Variants in XYLT1 observed in about 807,000 individuals in gnomAD.
XYLT1 encodes beta-D-xylosyltransferase 1.
Under a neutral mutation model 91.3 loss-of-function variants are expected in XYLT1, and 36 were observed. The ratio of observed to expected loss-of-function variants is 0.39; its 90% CI spans 0.30 to 0.52. XYLT1 has a LOEUF of 0.52. Among genes scored for constraint, XYLT1 ranks in the 20% least tolerant of loss-of-function variants. The pLI, the probability that XYLT1 is intolerant of heterozygous loss-of-function variation, is 0.68. For synonymous variants in XYLT1, 588 were observed against 532.0 expected, an observed-to-expected ratio of 1.11 and a Z score of -1.45; for missense variants, 1,242 against 1,284.5, an observed-to-expected ratio of 0.97 and a Z score of 0.51.
intron 1 of XYLT1, among the ~76,000 whole-genome samples, chr16:17,416,434 G>C (rs184923182): frequency 2.9e-4 from 44 of 152,292 alleles, no homozygotes; most frequent in African/African-American, 1.1e-3. Context: ...CCCATGAAAG[G>C]CCATGTGTCC....
rs1050862021 is a variant in XYLT1 at position 17,199,702 on chromosome 16, C to G, written c.1086+780G>C. On this transcript the variant is annotated intron_variant, in intron 4 of 11. Transcript: ENST00000261381. ...CTTCTTTTGCTTGGCTCTCATTTTT[C>G]TCTCTTGCTGCCGCCATGTAAGACT... Among the ~76,000 whole-genome samples, 116 of 152,316 alleles carry G rather than the reference C, an allele frequency of 7.6e-4. 1 individual carries two copies. The highest frequency in any genetic ancestry group is 2.7e-3 in the African/African-American group (111 of 41,568).
At chr16:17,221,478 T>C (rs541574931) in intron 3 of XYLT1, among the ~76,000 whole-genome samples, 1 of 152,294 alleles carries the variant, frequency 6.6e-6, no homozygotes, top group Admixed American at 6.5e-5. Flanking sequence ...CAAGAGGTTA[T>C]ATAGCATAAC....
At chr16:17,299,231 C>T (rs1450734679) in intron 2 of XYLT1, among the ~76,000 whole-genome samples, 1 of 152,146 alleles carries the variant, frequency 6.6e-6, no homozygotes, top group Non-Finnish European at 1.5e-5. Flanking sequence ...GGTTAACCCA[C>T]CACCACCAGA....
intron 3 of XYLT1, among the ~76,000 whole-genome samples, chr16:17,240,951 C>A (rs946987268): frequency 6.6e-6 from 1 of 152,174 alleles, no homozygotes; most frequent in Admixed American, 6.5e-5. Context: ...AAGCCCATGT[C>A]CTTGACCATC....
chr16:17,111,382 A>G (rs1008172485), intron 11 of XYLT1, among the ~76,000 whole-genome samples: 3 of 152,200 alleles, frequency 2.0e-5, no homozygotes, highest in Non-Finnish European at 2.9e-5. Context: ...TTTATTGCTC[A>G]GTAGAAGCAC....
At chr16:17,114,205 T>TCATAACAAACCAATAGA (rs1966847725) in intron 11 of XYLT1, among the ~76,000 whole-genome samples, 4 of 152,358 alleles carry the variant, frequency 2.6e-5, no homozygotes, top group African/African-American at 7.2e-5. Context: ...AAAATATCTT[T>TCATAACAAACCAATAGA]CATAACAAAC....
chr16:17,270,403 T>C (rs536343073), intron 2 of XYLT1, among the ~76,000 whole-genome samples: 1 of 152,262 alleles, frequency 6.6e-6, no homozygotes, highest in African/African-American at 2.4e-5. Flanking sequence ...CAGGGGGACA[T>C]GACAGTGACA....
chr16:17,108,833 C>A lies in XYLT1; in HGVS notation c.2742G>T (p.Trp914Cys). The A allele has an allele frequency of 1.9e-6, 3 of 1,612,876 alleles. No homozygotes were observed. The highest frequency in any genetic ancestry group is 1.7e-5 in the Admixed American group (1 of 60,014). ...CCGTGGCACAGATGTCCATGGCAGT[C>A]CACATCCCGCCCACCAACGAGTCCA... ...GWLDSLVGGM[W>C]TAMDICATGP... Residue 914 changes from tryptophan to cysteine, a missense_variant, in exon 12 of 12, where the codon TGG (tryptophan) becomes TGT (cysteine). Transcript: ENST00000261381.
intron 2 of XYLT1, among the ~76,000 whole-genome samples, chr16:17,261,080 A>T (rs1049933242): frequency 1.3e-5 from 2 of 151,998 alleles, no homozygotes; most frequent in Non-Finnish European, 2.9e-5. Flanking sequence ...CCAATAACAC[A>T]CACACACAAA....
At chr16:17,456,781 T>C (rs926412062) in intron 1 of XYLT1, among the ~76,000 whole-genome samples, 1 of 152,208 alleles carries the variant, frequency 6.6e-6, no homozygotes, top group Non-Finnish European at 1.5e-5. Context: ...GTCTTCTCTG[T>C]GACTGCAGGT....
chr16:17,264,803 T>C (rs1440396877), intron 2 of XYLT1, among the ~76,000 whole-genome samples: 2 of 152,204 alleles, frequency 1.3e-5, no homozygotes, highest in African/African-American at 2.4e-5. Context: ...GCTACACTGC[T>C]AGTAATGAAG....
chr16:17,178,544 C>T (rs967654230), intron 5 of XYLT1, among the ~76,000 whole-genome samples: 3 of 152,112 alleles, frequency 2.0e-5, no homozygotes, highest in Admixed American at 1.3e-4. Flanking sequence ...CTGAGATGTA[C>T]GTGTTCTGGG....
At chr16:17,341,241 T>C (rs544074026) in intron 2 of XYLT1, among the ~76,000 whole-genome samples, 1 of 152,322 alleles carries the variant, frequency 6.6e-6, no homozygotes, top group East Asian at 1.9e-4. Flanking sequence ...CCAATCTAAA[T>C]GTCTACCAAC....
Position 17,280,289 on chromosome 16 carries a change from G to A in XYLT1, c.403-20791C>T, listed in dbSNP as rs150707015. Among the ~76,000 whole-genome samples, 201 of 152,306 alleles carry A rather than the reference G, an allele frequency of 1.3e-3. 1 individual carries two copies. In the Middle Eastern group the frequency reaches 0.027, roughly 21 times the overall value. On this transcript the variant is annotated intron_variant, in intron 2 of 11. Coordinates refer to ENST00000261381, the MANE Select transcript of XYLT1 (RefSeq NM_022166.4). ...CGCTTGAACCCAGGAGGAAGAGGTT[G>A]CAGTGAGCCAAGATCGTGCCACTGC...
chr16:17,232,429 G>GTGTGTGTA (rs1194509016), intron 3 of XYLT1, among the ~76,000 whole-genome samples: 47 of 121,730 alleles, frequency 3.9e-4, no homozygotes, highest in South Asian at 1.0e-3. Flanking sequence ...GTGTGTGTGT[G>GTGTGTGTA]TATATATATA....
intron 5 of XYLT1, among the ~76,000 whole-genome samples, chr16:17,181,106 G>A (rs1439931136): frequency 1.3e-5 from 2 of 152,184 alleles, no homozygotes; most frequent in Non-Finnish European, 2.9e-5. Flanking sequence ...AAAGTAAGTG[G>A]AGAAATGGAC....
chr16:17,367,487 C>A (rs1409893300), intron 1 of XYLT1, among the ~76,000 whole-genome samples: 1 of 152,208 alleles, frequency 6.6e-6, no homozygotes, highest in African/African-American at 2.4e-5. Flanking sequence ...CTGTGGTCAC[C>A]AAGATGGCAG....
At chr16:17,378,409 G>C (rs1439290256) in intron 1 of XYLT1, among the ~76,000 whole-genome samples, 1 of 152,242 alleles carries the variant, frequency 6.6e-6, no homozygotes, top group East Asian at 1.9e-4. Flanking sequence ...GGACCTTGCA[G>C]AGAAATGAGC....
intron 2 of XYLT1, among the ~76,000 whole-genome samples, chr16:17,348,480 A>G (rs1404768556): frequency 6.6e-6 from 1 of 152,238 alleles, no homozygotes; most frequent in East Asian, 1.9e-4. Flanking sequence ...TGCCACTCCC[A>G]AACTCTGTGG....
Sources: gnomAD v4.1 joint callset for allele counts (sites outside exome capture counted in the v4.1 genomes callset) on GRCh38, gnomAD v4.1.1 for gene constraint, MANE v1.5 for transcripts, NCBI Gene and HGNC (gene_info 2026-07-23, HGNC 2026-07-21) for gene names.